Variants in EXOSC5 observed in about 807,000 individuals in gnomAD.
The protein encoded by EXOSC5 is exosome complex component RRP46.
In EXOSC5, 15 loss-of-function variants were observed where a neutral mutation model predicts 23.7. The ratio of observed to expected loss-of-function variants is 0.63; its 90% CI spans 0.42 to 0.97. The LOEUF is 0.97. Among genes scored for constraint, EXOSC5 ranks in the 50% least tolerant of loss-of-function variants. The pLI, the probability that EXOSC5 is intolerant of heterozygous loss-of-function variation, is 0.00. For missense variants in EXOSC5, 305 were observed against 316.3 expected (o/e 0.96, Z 0.27); for synonymous variants, 143 against 140.9 (o/e 1.02, Z -0.11).
Position 41,389,907 on chromosome 19 carries a change from T to C in EXOSC5, c.385-2A>G. 3.8e-6 allele frequency: 6 copies of C among 1,582,746 alleles called. No homozygotes were observed. Among genetic ancestry groups the C allele is most frequent in the Non-Finnish European group, 5.1e-6 (6 of 1,170,804 alleles). On this transcript the variant is annotated splice_acceptor_variant, in intron 3 of 5. Transcript: ENST00000221233. LOFTEE classifies it high-confidence loss of function. Reference sequence around the variant, plus strand: ...GGCATTCAGACAACAGGCCAGGAGCTGAGCACCACAGGAAATGGTTAAGTT... The same window carrying C: ...GGCATTCAGACAACAGGCCAGGAGCCGAGCACCACAGGAAATGGTTAAGTT...
intron 1 of EXOSC5, 78 bp downstream of exon 1, chr19:41,397,103 A>G: frequency 6.7e-7 from 1 of 1,497,070 alleles, no homozygotes; most frequent in Non-Finnish European, 9.1e-7. Context: ...ACCAGCTGGT[A>G]TCGTGAGGAG....
chr19:41,388,824 G>T (rs989918968), intron 4 of EXOSC5, among the ~76,000 whole-genome samples: 1 of 152,188 alleles, frequency 6.6e-6, no homozygotes, highest in East Asian at 1.9e-4. Flanking sequence ...GGATGGAAAT[G>T]GAGCTTAAGG....
Position 41,392,878 on chromosome 19 carries a change from A to G in EXOSC5, c.251T>C (p.Ile84Thr), listed in dbSNP as rs377441000. The G allele has an allele frequency of 1.2e-4, 199 of 1,613,762 alleles. No homozygotes were observed. The highest frequency in any genetic ancestry group is 1.6e-4 in the Non-Finnish European group (189 of 1,179,968). ...ATLEVILRPK[I>T]GLPGVAEKSR... ...CAGGGCCCAATTACCAGGCAGCCCA[A>G]TCTTCGGCCTCAGGATCACTTCGAG... The change falls in exon 2 of 6, where the codon ATT becomes ACT. Residue 84 changes from isoleucine to threonine, a missense_variant. Physicochemically the swap from Ile to Thr is moderately conservative, Grantham distance 89. Transcript: ENST00000221233.
At position 41,387,538 on chromosome 19, in the gene EXOSC5, G is replaced by A. The variant is rs756117524; in HGVS notation, c.591C>T (p.Thr197=). The change falls in exon 5 of 6, where the codon ACC becomes ACT. Residue 197 remains threonine, a synonymous_variant. Transcript: ENST00000221233. The part of the protein sequence containing the change: ...SVERKLLMSS[T]KGLYSDTELQ... ...CCTCAGTGTCTGAGTAGAGCCCCTT[G>A]GTGCTGGACATCAGCAGCTTCCGTT... 4.6e-5 allele frequency: 74 copies of A among 1,604,748 alleles called. No individual in the cohort carries two copies. In the Admixed American group the frequency reaches 1.3e-3, roughly 28 times the overall value.
At position 41,392,085 on chromosome 19, in the gene EXOSC5, A is replaced by G. The variant is rs139317776; in HGVS notation, c.263-123T>C. 898 of 1,395,174 alleles carry G rather than the reference A, an allele frequency of 6.4e-4. 2 individuals carry two copies. The highest frequency in any genetic ancestry group is 7.7e-4 in the Non-Finnish European group (805 of 1,051,574). 86.4% of individuals were successfully genotyped at this position (1,395,174 alleles called of 1,614,324 possible). A position where few individuals can be genotyped will look rare whatever the true frequency, so the allele number is the denominator to read the frequency against. The stretch of plus-strand genomic sequence containing the variant: ...AGCCTGGGATGGTGCAGTTACCTGC[A>G]GGGATGATGGAAGATTCCAGTGGGA... On this transcript the variant is annotated intron_variant, in intron 2 of 5. Coordinates refer to ENST00000221233, the MANE Select transcript of EXOSC5 (RefSeq NM_020158.4).
chr19:41,387,741 G>A, intron 4 of EXOSC5, 138 bp from the exon 5 acceptor site: 1 of 425,554 alleles, frequency 2.3e-6, no homozygotes, highest in Non-Finnish European at 4.0e-6. Context: ...GGCACTGCTT[G>A]AGGCCAGAAA....
intron 3 of EXOSC5, among the ~76,000 whole-genome samples, chr19:41,391,132 AG>A (rs999305330): frequency 2.0e-5 from 3 of 152,196 alleles, no homozygotes; most frequent in African/African-American, 7.2e-5. Context: ...TGGGAGGCCA[AG>A]GTGGACTGAT....
chr19:41,392,012 C>T (rs755340409), intron 2 of EXOSC5, 50 bp from the exon 3 acceptor site: 2 of 1,558,100 alleles, frequency 1.3e-6, no homozygotes, highest in South Asian at 2.4e-5. Context: ...TTTGACTCAC[C>T]TTCCTCCATA....
chr19:41,388,860 G>C (rs755066734), intron 4 of EXOSC5, among the ~76,000 whole-genome samples: 4 of 152,240 alleles, frequency 2.6e-5, no homozygotes, highest in Non-Finnish European at 5.9e-5. Flanking sequence ...CAGGAAAGGT[G>C]CTGGCCAGAA....
At position 41,386,661 on chromosome 19, in the gene EXOSC5, G is replaced by A. The variant is rs769714615; in HGVS notation, c.680C>T (p.Ser227Leu). The A allele has an allele frequency of 4.3e-5, 69 of 1,600,266 alleles. 1 individual carries two copies. The highest frequency in any genetic ancestry group is 3.3e-4 in the South Asian group (29 of 88,610). The change falls in exon 6 of 6, where the codon TCG (serine) becomes TTG (leucine). Residue 227 changes from serine (S) to leucine (L), a missense_variant. Ser to Leu is a moderately radical substitution (Grantham distance 145). Transcript: ENST00000221233. ...GCTCTTGGAGTAACGCCTCTGCAGC[G>A]ATTCCCGGTAGAAACGGAAGACGTG... ...SQHVFRFYRESLQRRYSKS is the reference protein window; with the variant it reads ...SQHVFRFYRELLQRRYSKS
chr19:41,393,705 G>A (rs745721963), intron 1 of EXOSC5, among the ~76,000 whole-genome samples: 63 of 152,034 alleles, frequency 4.1e-4, no homozygotes, highest in Admixed American at 6.6e-4. Context: ...GATTACAGGC[G>A]CGCGCCACCA....
intron 3 of EXOSC5, chr19:41,391,394 A>T (rs778429762): frequency 6.2e-6 from 1 of 160,056 alleles, no homozygotes; most frequent in Admixed American, 6.5e-5. Flanking sequence ...CCCAAAAAAC[A>T]AAAGAAGTGA....
intron 4 of EXOSC5, 107 bp downstream of exon 4, chr19:41,389,658 G>T: frequency 6.9e-7 from 1 of 1,457,054 alleles, no homozygotes; most frequent in Non-Finnish European, 9.2e-7. Context: ...TTGCTAAGTG[G>T]GATTGAGGTG....
At chr19:41,389,484 C>T (rs1284505084) in intron 4 of EXOSC5, among the ~76,000 whole-genome samples, 2 of 151,796 alleles carry the variant, frequency 1.3e-5, no homozygotes, top group South Asian at 2.1e-4. Context: ...AGACTGATCT[C>T]GAACTCCCGA....
rs1599941471 is a variant in EXOSC5, at chr19:41,392,831, T to G, written c.262+36A>C. On this transcript the variant is annotated intron_variant, in intron 2 of 5. Transcript: ENST00000221233. ...AGCTGGGGGGGTGATTTTGACAAAC[T>G]GGGCACCACTCAGAGGTTCAGCAGG... 8 of 1,601,550 alleles carry G rather than the reference T, an allele frequency of 5.0e-6. No homozygotes were observed. The African/African-American group carries it at 5.4e-5, about 11-fold the overall frequency.
chr19:41,387,458 C>A, intron 5 of EXOSC5, 56 bp downstream of exon 5: 1 of 1,406,852 alleles, frequency 7.1e-7, no homozygotes, highest in South Asian at 1.3e-5. Flanking sequence ...TGGGACAAGA[C>A]CGTATGTCAG....
intron 1 of EXOSC5, among the ~76,000 whole-genome samples, chr19:41,395,681 C>T (rs140970041): frequency 6.6e-6 from 1 of 152,314 alleles, no homozygotes; most frequent in African/African-American, 2.4e-5. Flanking sequence ...TTCCCCCTAA[C>T]TCTCTGGGCG....
chr19:41,387,947 C>A (rs563079195), intron 4 of EXOSC5, among the ~76,000 whole-genome samples: 23 of 152,164 alleles, frequency 1.5e-4, no homozygotes, highest in Admixed American at 7.2e-4. Context: ...GACAGTGAGA[C>A]CCTGTCTCAA....
At chr19:41,395,035 AAAAAAAAAAAAG>A (rs1212016662) in intron 1 of EXOSC5, among the ~76,000 whole-genome samples, 2 of 104,598 alleles carry the variant, frequency 1.9e-5, no homozygotes, top group Non-Finnish European at 3.9e-5. Flanking sequence ...CTCCATCTCA[AAAAAAAAAAAAG>A]AAAAAAAAAA....
Sources: allele counts gnomAD v4.1 joint callset (sites outside exome capture counted in the v4.1 genomes callset), GRCh38; gene constraint gnomAD v4.1.1; transcripts MANE v1.5; gene names NCBI Gene and HGNC (gene_info 2026-07-23, HGNC 2026-07-21).